The following ZNF718 variants were observed in gnomAD, a reference collection of about 807,000 sequenced individuals.
The protein encoded by ZNF718 is zinc finger protein 718.
Under a neutral mutation model 2.6 loss-of-function variants are expected in ZNF718, and 3 were observed. The ratio of observed to expected loss-of-function variants is 1.16; its 90% CI spans 0.53 to 3.01. The LOEUF is 3.01. ZNF718 is among the 30% of genes most tolerant of loss of function. The pLI, the probability that ZNF718 is intolerant of heterozygous loss-of-function variation, is 0.03. For synonymous variants in ZNF718, 135 were observed against 77.9 expected (o/e 1.73, Z -3.86); for missense variants, 468 against 230.0 (o/e 2.03, Z -6.69).
At chr4:186,110 T>G (rs546335088) in intron 3 of ZNF718, among the ~76,000 whole-genome samples, 45 of 152,174 alleles carry the variant, frequency 3.0e-4, no homozygotes, top group African/African-American at 1.1e-3. Flanking sequence ...CACTATGAAG[T>G]GTAGTGGCTG....
At chr4:159,840 T>C (rs1449721506) in intron 3 of ZNF718, among the ~76,000 whole-genome samples, 1 of 152,210 alleles carries the variant, frequency 6.6e-6, no homozygotes, top group African/African-American at 2.4e-5. Context: ...TTGCCTACAT[T>C]GTAATATTGT....
chr4:199,105 G>C (rs1393717990), intron 3 of ZNF718, among the ~76,000 whole-genome samples: 4 of 152,200 alleles, frequency 2.6e-5, no homozygotes, highest in African/African-American at 9.7e-5. Flanking sequence ...AGGCAAGCTG[G>C]CTGGGTTTAG....
At chr4:167,455 CATG>C (rs1321677421), downstream of ZNF718, among the ~76,000 whole-genome samples, 15 of 152,234 alleles carry the variant, frequency 9.9e-5, no homozygotes, top group African/African-American at 3.4e-4. Context: ...TGGCCATTTT[CATG>C]ATATTGATTC....
At chr4:159,361 A>T (rs1360867259) in intron 3 of ZNF718, among the ~76,000 whole-genome samples, 1 of 147,622 alleles carries the variant, frequency 6.8e-6, no homozygotes, top group Non-Finnish European at 1.5e-5. Context: ...TCACCACTTT[A>T]TATTACAATT....
chr4:200,267 A>G (rs782228370), intron 3 of ZNF718, among the ~76,000 whole-genome samples: 23 of 151,706 alleles, frequency 1.5e-4, no homozygotes, highest in South Asian at 2.1e-4. Flanking sequence ...TTGTTTGTTT[A>G]TTTGTTTGTT....
At chr4:134,026 G>A (rs1715444919) in intron 3 of ZNF718, among the ~76,000 whole-genome samples, 2 of 152,114 alleles carry the variant, frequency 1.3e-5, no homozygotes, top group African/African-American at 4.8e-5. Flanking sequence ...ATGTACTTTA[G>A]ATTTTTCAGA....
chr4:157,321 T>G (rs1716619469), intron 3 of ZNF718, among the ~76,000 whole-genome samples: 1 of 151,666 alleles, frequency 6.6e-6, no homozygotes, highest in Non-Finnish European at 1.5e-5. Flanking sequence ...TCCATGTTGG[T>G]CAGGCTGGTC....
In ZNF718 at chr4:127,267, C is replaced by A. The variant is rs1715262822; in HGVS notation, c.3+2594C>A. 1.9e-5 allele frequency among the ~76,000 whole-genome samples: 2 copies of A among 104,692 alleles called. 1 individual carries two copies. 68.7% of individuals were successfully genotyped at this position (104,692 alleles called of 152,430 possible). A position where few individuals can be genotyped will look rare whatever the true frequency, so the allele number is the denominator to read the frequency against. ...CAACCCACAATTGTATGACAAAGTG[C>A]AGCAAGGTGCTCCCCAAATCTGCAA... On this transcript the variant is annotated intron_variant, in intron 1 of 3. Transcript: ENST00000510175.
In ZNF718 at chr4:146,710, C is replaced by T. The variant is rs1023998881; in HGVS notation, c.227-14202C>T. On this transcript the variant is annotated intron_variant, in intron 3 of 3. Coordinates refer to ENST00000510175, the MANE Select transcript of ZNF718 (RefSeq NM_001039127.6). ...TAGCATGGGTTCCAAATTCTTTATTCACACTTTCATTTTTAAAAAATTTCT... is the reference window on the plus strand; with the variant it reads ...TAGCATGGGTTCCAAATTCTTTATTTACACTTTCATTTTTAAAAAATTTCT... 2.6e-5 allele frequency among the ~76,000 whole-genome samples: 4 copies of T among 151,634 alleles called. 1 individual carries two copies. The highest frequency in any genetic ancestry group is 7.3e-5 in the African/African-American group (3 of 41,364).
intron 3 of ZNF718, among the ~76,000 whole-genome samples, chr4:149,245 T>G (rs1716210443): frequency 1.3e-5 from 2 of 152,236 alleles, no homozygotes; most frequent in South Asian, 2.1e-4. Flanking sequence ...TGTATTGACA[T>G]GGCTCATTTT....
Position 125,898 on chromosome 4 carries a change from G to C in ZNF718, c.3+1225G>C, listed in dbSNP as rs985025177. On this transcript the variant is annotated intron_variant, in intron 1 of 3. Transcript: ENST00000510175. ...CACACGCAGTGCCCAGAAGACTCCT[G>C]GCTCATCTCAACCCCAGATCTGTTT... Among the ~76,000 whole-genome samples, 46 of 152,308 alleles carry C rather than the reference G, an allele frequency of 3.0e-4. No homozygotes were observed. The South Asian group carries it at 5.0e-3, about 16-fold the overall frequency.
chr4:175,027 CCTCAATTACATCTATGCCT>C (rs1317884255), intron 3 of ZNF718, among the ~76,000 whole-genome samples: 16 of 152,156 alleles, frequency 1.1e-4, no homozygotes, highest in Non-Finnish European at 2.9e-5. Flanking sequence ...CAGAACAGCC[CCTCAATTACATCTATGCCT>C]TAGTTTTATT....
intron 3 of ZNF718, among the ~76,000 whole-genome samples, chr4:134,896 G>C (rs1033397966): frequency 5.9e-5 from 9 of 151,962 alleles, no homozygotes; most frequent in Non-Finnish European, 2.9e-5. Flanking sequence ...GATGAACCTG[G>C]GCAACAGAGT....
At chr4:155,525 G>C (rs1477252722) in intron 3 of ZNF718, among the ~76,000 whole-genome samples, 4 of 152,178 alleles carry the variant, frequency 2.6e-5, no homozygotes, top group Non-Finnish European at 5.9e-5. Flanking sequence ...TTTAAGATTT[G>C]ACTGCCTTGC....
chr4:188,566 G>C (rs1444944063), intron 3 of ZNF718, among the ~76,000 whole-genome samples: 1 of 152,150 alleles, frequency 6.6e-6, no homozygotes, highest in Admixed American at 6.5e-5. Flanking sequence ...CTCCCACCTT[G>C]TCTGAGTTGC....
At chr4:186,590 A>T (rs1393316362) in intron 3 of ZNF718, among the ~76,000 whole-genome samples, 2 of 151,908 alleles carry the variant, frequency 1.3e-5, no homozygotes, top group Non-Finnish European at 2.9e-5. Context: ...TACGTCTCAG[A>T]GGTTTTGTTC....
At chr4:158,933 T>G (rs1370792178) in intron 3 of ZNF718, among the ~76,000 whole-genome samples, 1 of 151,926 alleles carries the variant, frequency 6.6e-6, no homozygotes, top group Admixed American at 6.6e-5. Context: ...CTAATATACT[T>G]TTTCAGCATT....
chr4:158,693 G>C (rs781987185), intron 3 of ZNF718, among the ~76,000 whole-genome samples: 3 of 151,812 alleles, frequency 2.0e-5, no homozygotes, highest in African/African-American at 7.3e-5. Flanking sequence ...CATATTAACA[G>C]TTTATGATTA....
In ZNF718 at chr4:135,357, C is replaced by G. The variant is rs116507286; in HGVS notation, c.226+3852C>G. The stretch of plus-strand genomic sequence containing the variant: ...GGTTTGGGCACAGCTTGGTTTTATA[C>G]ATTTTAAGGAGACATGAGACATAAA... On this transcript the variant is annotated intron_variant, in intron 3 of 3. Coordinates refer to ENST00000510175, the MANE Select transcript of ZNF718 (RefSeq NM_001039127.6). 6.2e-3 allele frequency among the ~76,000 whole-genome samples: 936 copies of G among 151,850 alleles called. 11 individuals carry two copies. Among genetic ancestry groups the G allele is most frequent in the African/African-American group, 0.021 (882 of 41,404 alleles).
Sources: allele counts gnomAD v4.1 joint callset (sites outside exome capture counted in the v4.1 genomes callset), GRCh38; gene constraint gnomAD v4.1.1; transcripts MANE v1.5; gene names NCBI Gene and HGNC (gene_info 2026-07-23, HGNC 2026-07-21).